The following UNC13B variants were observed in gnomAD, a reference collection of about 807,000 sequenced individuals.
UNC13B encodes unc-13 homolog B.
In UNC13B, 144 loss-of-function variants were observed where a neutral mutation model predicts 211.0. The ratio of observed to expected loss-of-function variants is 0.68; its 90% CI spans 0.60 to 0.78. UNC13B has a LOEUF of 0.78. UNC13B is among the 30% of genes least tolerant of loss of function. The pLI, the probability that UNC13B is intolerant of heterozygous loss-of-function variation, is 0.00. For synonymous variants in UNC13B, 709 were observed against 725.8 expected (o/e 0.98, Z 0.37); for missense variants, 1,777 against 2,002.0 (o/e 0.89, Z 2.14).
chr9:35,210,526 C>T (rs997075972), intron 1 of UNC13B, among the ~76,000 whole-genome samples: 11 of 41,302 alleles, frequency 2.7e-4, no homozygotes, highest in Middle Eastern at 0.015. Flanking sequence ...GTTTAATAAA[C>T]TTATTTTTTT....
intron 1 of UNC13B, among the ~76,000 whole-genome samples, chr9:35,207,407 GCAC>G (rs1341776353): frequency 6.6e-6 from 1 of 151,838 alleles, no homozygotes; most frequent in Non-Finnish European, 1.5e-5. Context: ...CTACAGGTGT[GCAC>G]CACCACCACG....
chr9:35,403,277 A>C lies in UNC13B; in HGVS notation c.12577+18A>C, dbSNP rs371184360. 1,935 of 1,613,126 alleles carry C rather than the reference A, an allele frequency of 1.2e-3. 2 individuals carry two copies. Among genetic ancestry groups the C allele is most frequent in the Non-Finnish European group, 1.5e-3 (1,823 of 1,179,182 alleles). ...AGTGAAAGGTGAGTGATGGACTTAC[A>C]GGTCTGCCCTTTCCTTGCCCAGTGG... On this transcript the variant is annotated intron_variant, in intron 38 of 39. Transcript: ENST00000635942.
intron 11 of UNC13B, among the ~76,000 whole-genome samples, chr9:35,350,429 G>A (rs577898268): frequency 1.3e-5 from 2 of 152,346 alleles, no homozygotes; most frequent in South Asian, 4.1e-4. Context: ...TGGACAGTGT[G>A]CTGGACAATC....
chr9:35,228,181 A>T, intron 2 of UNC13B, 137 bp downstream of exon 2: 1 of 826,184 alleles, frequency 1.2e-6, no homozygotes, highest in South Asian at 2.1e-5. Flanking sequence ...TGAAATCATT[A>T]ATCTAGTGAA....
intron 3 of UNC13B, among the ~76,000 whole-genome samples, chr9:35,235,240 G>A (rs1031051465): frequency 6.6e-6 from 1 of 151,990 alleles, no homozygotes; most frequent in Admixed American, 6.6e-5. Flanking sequence ...GAAAATCATT[G>A]TATTTATCAT....
chr9:35,318,522 T>G (rs1213577326), intron 11 of UNC13B, among the ~76,000 whole-genome samples: 1 of 152,234 alleles, frequency 6.6e-6, no homozygotes, highest in Non-Finnish European at 1.5e-5. Context: ...TCTTTACCCG[T>G]TTTTATACAA....
chr9:35,243,485 T>C (rs112040439), intron 6 of UNC13B, 121 bp downstream of exon 6: 74 of 1,041,082 alleles, frequency 7.1e-5, no homozygotes, highest in African/African-American at 1.1e-4. Context: ...TTAAATTGCA[T>C]TGAAGAAAAA....
chr9:35,302,205 C>T lies in UNC13B; in HGVS notation c.2801C>T (p.Pro934Leu). 1 of 398,594 alleles carries T rather than the reference C, an allele frequency of 2.5e-6. No homozygotes were observed. Among genetic ancestry groups the T allele is most frequent in the East Asian group, 3.6e-5 (1 of 28,060 alleles). 24.7% of individuals were successfully genotyped at this position (398,594 alleles called of 1,614,324 possible). A position where few individuals can be genotyped will look rare whatever the true frequency, so the allele number is the denominator to read the frequency against. The change falls in exon 9 of 40, where the codon CCA (proline) becomes CTA (leucine). Residue 934 changes from proline (P) to leucine (L), a missense_variant. Transcript: ENST00000635942. ...AGTTCAATAAAATCTAGTTCTGTTC[C>T]AAATATTCATAGTGATCTAGGAAAA... ...KHSSIKSSSV[P>L]NIHSDLGKFD...
rs2131820574 is a variant in UNC13B, at chr9:35,300,054, A to G, written c.762-112A>G. ...AGAACCCTTTCAAAAGCTGATAAAT[A>G]CTACAGCCAACAAAAACAACCAAAG... On this transcript the variant is annotated intron_variant, in intron 8 of 39. Coordinates refer to ENST00000635942, the MANE Select transcript of UNC13B (RefSeq NM_001371189.2). 3 of 397,470 alleles carry G rather than the reference A, an allele frequency of 7.5e-6. No individual in the cohort carries two copies. The East Asian group carries it at 1.1e-4, about 14-fold the overall frequency. The allele number at this position is 397,470 out of a possible 1,614,324, so 24.6% of individuals were successfully genotyped here.
intron 26 of UNC13B, among the ~76,000 whole-genome samples, chr9:35,395,446 A>G (rs1224029542): frequency 6.6e-6 from 1 of 152,150 alleles, no homozygotes; most frequent in Non-Finnish European, 1.5e-5. Flanking sequence ...CTAGTTCACA[A>G]GGGCCAGCTG....
At chr9:35,217,157 T>C (rs191711901) in intron 1 of UNC13B, among the ~76,000 whole-genome samples, 1 of 152,178 alleles carries the variant, frequency 6.6e-6, no homozygotes, top group East Asian at 1.9e-4. Flanking sequence ...ACACATCAGG[T>C]TTTTTCTTTT....
chr9:35,255,089 T>TA (rs1826796709), intron 6 of UNC13B, among the ~76,000 whole-genome samples: 1 of 126,716 alleles, frequency 7.9e-6, no homozygotes, highest in Non-Finnish European at 1.6e-5. Flanking sequence ...ATATATTATA[T>TA]ATATATTATA....
chr9:35,353,371 C>A, intron 11 of UNC13B: 2 of 1,232,208 alleles, frequency 1.6e-6, no homozygotes, highest in South Asian at 4.1e-5. Flanking sequence ...ACCTGGAAAG[C>A]AATGAGAGTG....
intron 11 of UNC13B, among the ~76,000 whole-genome samples, chr9:35,324,366 A>G (rs1830896494): frequency 1.3e-5 from 2 of 152,222 alleles, no homozygotes; most frequent in Admixed American, 1.3e-4. Flanking sequence ...GACTTCTCAG[A>G]AACTTCAGTA....
At chr9:35,357,074 A>G (rs1349558816) in intron 11 of UNC13B, among the ~76,000 whole-genome samples, 1 of 152,146 alleles carries the variant, frequency 6.6e-6, no homozygotes, top group Non-Finnish European at 1.5e-5. Flanking sequence ...ATGGAACTAT[A>G]TTTTCAATTC....
intron 1 of UNC13B, among the ~76,000 whole-genome samples, chr9:35,164,629 C>A (rs1299518066): frequency 6.6e-6 from 1 of 152,212 alleles, no homozygotes; most frequent in African/African-American, 2.4e-5. Flanking sequence ...GACTTGTGGC[C>A]TTCTATTCTT....
In UNC13B at chr9:35,300,253, T is replaced by C; in HGVS notation, c.849T>C (p.Tyr283=). 2.5e-6 allele frequency: 1 copy of C among 398,836 alleles called. No individual in the cohort carries two copies. The highest frequency in any genetic ancestry group is 4.4e-6 in the Non-Finnish European group (1 of 226,026). 24.7% of individuals were successfully genotyped at this position (398,836 alleles called of 1,614,324 possible). The change falls in exon 9 of 40, where the codon TAT becomes TAC. Residue 283 remains tyrosine (Y), a synonymous_variant. Transcript: ENST00000635942. ...NHFEDSERRQ[Y]GERSETKTNY... Reference sequence around the variant, plus strand: ...TTGAAGACAGTGAAAGAAGGCAATATGGTGAGAGATCTGAAACTAAGACTA... The same window carrying C: ...TTGAAGACAGTGAAAGAAGGCAATACGGTGAGAGATCTGAAACTAAGACTA...
chr9:35,252,965 A>T (rs774893702), intron 6 of UNC13B, among the ~76,000 whole-genome samples: 1 of 152,134 alleles, frequency 6.6e-6, no homozygotes, highest in Non-Finnish European at 1.5e-5. Context: ...GTTACCAGCT[A>T]TTCAGTTCAC....
chr9:35,295,654 A>G (rs147538221), intron 7 of UNC13B, 42 bp from the exon 8 acceptor site: 1 of 1,584,380 alleles, frequency 6.3e-7, no homozygotes, highest in African/African-American at 1.3e-5. Context: ...TGAAGAACTA[A>G]ATAAAGCTGG....
Sources: gnomAD v4.1 joint callset for allele counts (sites outside exome capture counted in the v4.1 genomes callset) on GRCh38, gnomAD v4.1.1 for gene constraint, MANE v1.5 for transcripts, NCBI Gene and HGNC (gene_info 2026-07-23, HGNC 2026-07-21) for gene names.